UNC5D: variants seen among roughly 807,000 people sequenced by gnomAD.
UNC5D encodes netrin receptor UNC5D.
In UNC5D, 39 loss-of-function variants were observed where a neutral mutation model predicts 105.4. The ratio of observed to expected loss-of-function variants is 0.37; its 90% CI spans 0.29 to 0.48. UNC5D has a LOEUF of 0.48. Among genes scored for constraint, UNC5D ranks in the 20% least tolerant of loss-of-function variants. The pLI is 0.98. For missense variants in UNC5D, 991 were observed against 1,202.4 expected (o/e 0.82, Z 2.60); for synonymous variants, 452 against 450.4 (o/e 1.00, Z -0.04).
intron 16 of UNC5D, among the ~76,000 whole-genome samples, chr8:35,788,808 G>A (rs1390442006): frequency 6.6e-6 from 1 of 151,860 alleles, no homozygotes; most frequent in Non-Finnish European, 1.5e-5. Context: ...TGGGAAAAGA[G>A]GAGATGAGAA....
chr8:35,732,295 G>C (rs572322293), intron 11 of UNC5D, among the ~76,000 whole-genome samples: 1 of 152,268 alleles, frequency 6.6e-6, no homozygotes, highest in Admixed American at 6.5e-5. Context: ...GGAAGAAAAG[G>C]TTCTGCCATT....
At chr8:35,691,018 A>ATTG (rs1826354949) in intron 7 of UNC5D, among the ~76,000 whole-genome samples, 1 of 152,182 alleles carries the variant, frequency 6.6e-6, no homozygotes. Context: ...CAACAAAACA[A>ATTG]TTGGTTTTTC....
At chr8:35,412,940 A>G (rs1255022434) in intron 1 of UNC5D, among the ~76,000 whole-genome samples, 1 of 152,116 alleles carries the variant, frequency 6.6e-6, no homozygotes, top group Non-Finnish European at 1.5e-5. Context: ...AGGTCTACAG[A>G]GGGAGTGCTT....
intron 3 of UNC5D, among the ~76,000 whole-genome samples, chr8:35,569,301 A>G (rs2130790191): frequency 6.6e-6 from 1 of 152,300 alleles, no homozygotes; most frequent in African/African-American, 2.4e-5. Context: ...AATCACCTCC[A>G]GAAAGAAATT....
intron 4 of UNC5D, among the ~76,000 whole-genome samples, chr8:35,649,320 C>T (rs958208618): frequency 6.6e-6 from 1 of 152,128 alleles, no homozygotes; most frequent in Non-Finnish European, 1.5e-5. Flanking sequence ...GAGTTCTACT[C>T]AGTTGCCCTG....
chr8:35,241,893 T>C (rs1802829516), intron 1 of UNC5D, among the ~76,000 whole-genome samples: 1 of 152,224 alleles, frequency 6.6e-6, no homozygotes, highest in South Asian at 2.1e-4. Context: ...TTATAAACTA[T>C]AGTCACCCTA....
intron 7 of UNC5D, among the ~76,000 whole-genome samples, chr8:35,699,020 G>A (rs777757587): frequency 5.3e-5 from 8 of 152,238 alleles, no homozygotes; most frequent in South Asian, 2.1e-4. Context: ...ATTTTGTCAC[G>A]TTGAGGCTAA....
chr8:35,641,392 A>G (rs1329493371), intron 4 of UNC5D, among the ~76,000 whole-genome samples: 1 of 151,270 alleles, frequency 6.6e-6, no homozygotes, highest in Non-Finnish European at 1.5e-5. Flanking sequence ...AAAAGAAAAA[A>G]AAAAACAGCA....
chr8:35,351,997 CA>C (rs1458390527), intron 1 of UNC5D, among the ~76,000 whole-genome samples: 1 of 151,914 alleles, frequency 6.6e-6, no homozygotes, highest in Non-Finnish European at 1.5e-5. Flanking sequence ...TCACATATTT[CA>C]ATTTTTAAAA....
At chr8:35,612,570 G>A (rs1301148462) in intron 4 of UNC5D, among the ~76,000 whole-genome samples, 1 of 151,994 alleles carries the variant, frequency 6.6e-6, no homozygotes, top group Non-Finnish European at 1.5e-5. Flanking sequence ...AGAATTTTCT[G>A]TTTTAATCTG....
At chr8:35,780,128 T>G (rs543126286) in intron 16 of UNC5D, among the ~76,000 whole-genome samples, 1 of 152,258 alleles carries the variant, frequency 6.6e-6, no homozygotes, top group African/African-American at 2.4e-5. Context: ...TTATTAACAG[T>G]TTTTCCCAGT....
At chr8:35,341,847 T>C (rs969435312) in intron 1 of UNC5D, among the ~76,000 whole-genome samples, 21 of 152,122 alleles carry the variant, frequency 1.4e-4, no homozygotes, top group African/African-American at 5.1e-4. Context: ...AAAGATGTTG[T>C]ATAGGTGGTT....
chr8:35,318,225 T>G (rs1809450956), intron 1 of UNC5D, among the ~76,000 whole-genome samples: 1 of 151,968 alleles, frequency 6.6e-6, no homozygotes, highest in Non-Finnish European at 1.5e-5. Context: ...AAAAATATTA[T>G]ACTTTGTCAG....
chr8:35,386,684 A>C (rs979230874), intron 1 of UNC5D, among the ~76,000 whole-genome samples: 1 of 152,204 alleles, frequency 6.6e-6, no homozygotes, highest in African/African-American at 2.4e-5. Flanking sequence ...AAATGAAGAA[A>C]TGGCATTGAA....
At chr8:35,718,732 A>G (rs1228664100) in intron 8 of UNC5D, among the ~76,000 whole-genome samples, 1 of 152,192 alleles carries the variant, frequency 6.6e-6, no homozygotes. Flanking sequence ...TGTCCAGGAC[A>G]GGATCACCTT....
rs944443812 is a variant in UNC5D, at chr8:35,792,447, G to C, written c.*1884G>C. On this transcript the variant is annotated 3_prime_UTR_variant, in exon 17 of 17. Coordinates refer to ENST00000404895, the MANE Select transcript of UNC5D (RefSeq NM_080872.4). Reference sequence around the variant, plus strand: ...GATGTAGGACAAAGAAATCATCTTAGAACTGTCAAGCATATTTTCACAATA... The same window carrying C: ...GATGTAGGACAAAGAAATCATCTTACAACTGTCAAGCATATTTTCACAATA... 1.3e-5 allele frequency: 2 copies of C among 152,978 alleles called. No homozygotes were observed. The highest frequency in any genetic ancestry group is 4.8e-5 in the African/African-American group (2 of 41,438). The allele number at this position is 152,978 out of a possible 1,614,324, so 9.5% of individuals were successfully genotyped here.
intron 4 of UNC5D, among the ~76,000 whole-genome samples, chr8:35,600,631 C>G (rs1206396700): frequency 6.6e-6 from 1 of 152,162 alleles, no homozygotes; most frequent in Non-Finnish European, 1.5e-5. Context: ...CCTTCGCCCA[C>G]TTTTTGATGG....
chr8:35,235,983 T>G (rs1285337732), intron 1 of UNC5D, 96 bp downstream of exon 1: 39 of 1,092,368 alleles, frequency 3.6e-5, no homozygotes, highest in Non-Finnish European at 4.4e-5. Flanking sequence ...CTTCCCAACT[T>G]GCGCCCTGCA....
intron 1 of UNC5D, among the ~76,000 whole-genome samples, chr8:35,293,968 A>G (rs1312137297): frequency 6.7e-6 from 1 of 149,340 alleles, no homozygotes; most frequent in Non-Finnish European, 1.5e-5. Context: ...CTGGGTGTTC[A>G]GGAGCATTGT....
Sources: allele counts gnomAD v4.1 joint callset (sites outside exome capture counted in the v4.1 genomes callset), GRCh38; gene constraint gnomAD v4.1.1; transcripts MANE v1.5; gene names NCBI Gene and HGNC (gene_info 2026-07-23, HGNC 2026-07-21).